Variants in KCNK13 observed in about 807,000 individuals in gnomAD.
KCNK13 encodes potassium channel subfamily K member 13.
Under a neutral mutation model 23.4 loss-of-function variants are expected in KCNK13, and 12 were observed. That is an observed-to-expected ratio of 0.51 (90% CI 0.33 to 0.83). The LOEUF is 0.83. Among genes scored for constraint, KCNK13 ranks in the 40% least tolerant of loss-of-function variants. KCNK13 has a pLI of 0.02. For synonymous variants in KCNK13, 231 were observed against 229.5 expected (o/e 1.01, Z -0.06); for missense variants, 463 against 556.3 (o/e 0.83, Z 1.69).
intron 1 of KCNK13, among the ~76,000 whole-genome samples, chr14:90,065,540 C>A (rs1050443707): frequency 6.6e-6 from 1 of 152,066 alleles, no homozygotes; most frequent in African/African-American, 2.4e-5. Flanking sequence ...AAGGCAGGTG[C>A]CACAGTGGGC....
rs2401867 is a variant in KCNK13 at position 90,098,380 on chromosome 14, T to G, written c.334+35841T>G. Among the ~76,000 whole-genome samples, 572 of 152,324 alleles carry G rather than the reference T, an allele frequency of 3.8e-3. 4 individuals carry two copies. Among genetic ancestry groups the G allele is most frequent in the African/African-American group, 0.013 (544 of 41,564 alleles). The stretch of plus-strand genomic sequence containing the variant: ...AAGTGCTATAATTTATATAACAATA[T>G]TAAGCACATGACCACCTAGGCTGAA... On this transcript the variant is annotated intron_variant, in intron 1 of 1. Coordinates refer to ENST00000282146, the MANE Select transcript of KCNK13 (RefSeq NM_022054.4).
At chr14:90,168,542 G>C (rs1368125455) in intron 1 of KCNK13, among the ~76,000 whole-genome samples, 1 of 152,094 alleles carries the variant, frequency 6.6e-6, no homozygotes, top group East Asian at 1.9e-4. Flanking sequence ...CATGACTCTA[G>C]CTCGTAGGTA....
Position 90,092,165 on chromosome 14 carries a change from G to T in KCNK13, c.334+29626G>T, listed in dbSNP as rs552691179. On this transcript the variant is annotated intron_variant, in intron 1 of 1. Coordinates refer to ENST00000282146, the MANE Select transcript of KCNK13 (RefSeq NM_022054.4). ...TCTCCATCTCCTGACCTCGTGATCT[G>T]CCCGCCTTGGCCTCCCAAATTGCTG... 2.6e-5 allele frequency among the ~76,000 whole-genome samples: 4 copies of T among 152,240 alleles called. No homozygotes were observed. The East Asian group carries it at 5.8e-4, about 22-fold the overall frequency.
chr14:90,122,358 C>G (rs1014696594), intron 1 of KCNK13, among the ~76,000 whole-genome samples: 59 of 151,400 alleles, frequency 3.9e-4, no homozygotes, highest in African/African-American at 1.4e-3. Flanking sequence ...TACTCTGTCA[C>G]CCAGGCTGGA....
intron 1 of KCNK13, among the ~76,000 whole-genome samples, chr14:90,119,843 G>A (rs557851989): frequency 2.2e-4 from 33 of 152,212 alleles, no homozygotes; most frequent in African/African-American, 6.5e-4. Flanking sequence ...CAAGTGATCC[G>A]CCCACCTTGG....
chr14:90,128,878 T>C (rs1889834362), intron 1 of KCNK13, among the ~76,000 whole-genome samples: 1 of 152,140 alleles, frequency 6.6e-6, no homozygotes, highest in Non-Finnish European at 1.5e-5. Flanking sequence ...GCTAATAAAA[T>C]GGACACCTTG....
intron 1 of KCNK13, among the ~76,000 whole-genome samples, chr14:90,147,364 C>CA (rs1264812484): frequency 6.6e-6 from 1 of 152,178 alleles, no homozygotes; most frequent in Non-Finnish European, 1.5e-5. Flanking sequence ...GCGATCCCCC[C>CA]TCAGCCTCCT....
chr14:90,132,257 A>G (rs1185232361), intron 1 of KCNK13, among the ~76,000 whole-genome samples: 3 of 152,210 alleles, frequency 2.0e-5, no homozygotes, highest in Middle Eastern at 3.2e-3. Context: ...AGAAAGTAGA[A>G]TGGAGGCTGG....
At chr14:90,180,610 C>T (rs1222580219) in intron 1 of KCNK13, among the ~76,000 whole-genome samples, 2 of 152,138 alleles carry the variant, frequency 1.3e-5, no homozygotes, top group East Asian at 1.9e-4. Context: ...CATGATTATC[C>T]CTCCTTTAAC....
At chr14:90,154,461 C>T (rs568527329) in intron 1 of KCNK13, among the ~76,000 whole-genome samples, 7 of 152,272 alleles carry the variant, frequency 4.6e-5, no homozygotes, top group African/African-American at 1.4e-4. Context: ...ACCCACAATG[C>T]CTGCTCTACT....
At chr14:90,075,101 C>T (rs988157698) in intron 1 of KCNK13, among the ~76,000 whole-genome samples, 1 of 150,830 alleles carries the variant, frequency 6.6e-6, no homozygotes, top group African/African-American at 2.4e-5. Context: ...TTGGTATTAT[C>T]CTCCTTCATC....
intron 1 of KCNK13, among the ~76,000 whole-genome samples, chr14:90,156,428 T>C (rs1890195851): frequency 6.6e-6 from 1 of 152,048 alleles, no homozygotes; most frequent in African/African-American, 2.4e-5. Context: ...GAGACTTGTG[T>C]CTTGGAAACC....
In KCNK13 at chr14:90,062,230, G is replaced by T. The variant is rs1184619039; in HGVS notation, c.25G>T (p.Gly9Cys). 2 of 1,504,832 alleles carry T rather than the reference G, an allele frequency of 1.3e-6. No individual in the cohort carries two copies. Among genetic ancestry groups the T allele is most frequent in the Non-Finnish European group, 1.8e-6 (2 of 1,134,202 alleles). 93.2% of individuals were successfully genotyped at this position (1,504,832 alleles called of 1,614,324 possible). A position where few individuals can be genotyped will look rare whatever the true frequency, so the allele number is the denominator to read the frequency against. MAGRGFSW[G>C]PGHLNEDNAR... The stretch of plus-strand genomic sequence containing the variant: ...CATGGCTGGCCGGGGTTTCAGCTGG[G>T]GCCCGGGCCACCTGAACGAGGACAA... Residue 9 changes from glycine to cysteine, a missense_variant, in exon 1 of 2, where the codon GGC becomes TGC. Gly to Cys is a radical substitution (Grantham distance 159, BLOSUM62 -3). Transcript: ENST00000282146. The surrounding 1 kb of genome is among the most constrained non-coding windows in gnomAD (Gnocchi z 4.5).
chr14:90,078,640 T>C (rs183994874), intron 1 of KCNK13, among the ~76,000 whole-genome samples: 74 of 151,780 alleles, frequency 4.9e-4, no homozygotes, highest in Admixed American at 2.0e-3. Flanking sequence ...CAGGCAGGCA[T>C]GCTTTGAATA....
intron 1 of KCNK13, among the ~76,000 whole-genome samples, chr14:90,119,337 C>G (rs1409172397): frequency 6.6e-6 from 1 of 151,840 alleles, no homozygotes; most frequent in Non-Finnish European, 1.5e-5. Context: ...AGAGATGCAA[C>G]AAAAAAAGAA....
Position 90,062,204 on chromosome 14 carries a change from C to T in KCNK13, c.-2C>T. 1.4e-6 allele frequency: 2 copies of T among 1,381,160 alleles called. No individual in the cohort carries two copies. The highest frequency in any genetic ancestry group is 2.9e-5 in the Admixed American group (1 of 35,054). 85.6% of individuals were successfully genotyped at this position (1,381,160 alleles called of 1,614,324 possible). A position where few individuals can be genotyped will look rare whatever the true frequency, so the allele number is the denominator to read the frequency against. On this transcript the variant is annotated 5_prime_UTR_variant, in exon 1 of 2. Coordinates refer to ENST00000282146, the MANE Select transcript of KCNK13 (RefSeq NM_022054.4). The surrounding 1 kb of genome is among the most constrained non-coding windows in gnomAD (Gnocchi z 4.5). ...CTGGGGGCTGCCCCCGGGGGCCCGG[C>T]CATGGCTGGCCGGGGTTTCAGCTGG... is the stretch of plus-strand genomic sequence containing the variant.
intron 1 of KCNK13, among the ~76,000 whole-genome samples, chr14:90,168,887 A>G (rs1001449216): frequency 6.6e-6 from 1 of 152,142 alleles, no homozygotes; most frequent in African/African-American, 2.4e-5. Flanking sequence ...TTTCCCCCAT[A>G]CTGTTCTCAC....
chr14:90,080,487 G>A (rs1188142215), intron 1 of KCNK13, among the ~76,000 whole-genome samples: 1 of 151,616 alleles, frequency 6.6e-6, no homozygotes, highest in African/African-American at 2.4e-5. Flanking sequence ...TAAAAAATTG[G>A]AAAAAAAGAA....
rs59588971 is a variant in KCNK13, at chr14:90,157,756, C to T, written c.335-26355C>T. On this transcript the variant is annotated intron_variant, in intron 1 of 1. Coordinates refer to ENST00000282146, the MANE Select transcript of KCNK13 (RefSeq NM_022054.4). ...TTGCTCTGTCACCCAGGCTGGAGTG[C>T]GATGGCCTGATCTCGGCTCACTGCA... Among the ~76,000 whole-genome samples the T allele has an allele frequency of 5.6e-3, 729 of 130,614 alleles. 6 individuals carry two copies. Among genetic ancestry groups the T allele is most frequent in the African/African-American group, 0.02 (692 of 34,556 alleles). The allele number at this position is 130,614 out of a possible 152,430, so 85.7% of individuals were successfully genotyped here. A position where few individuals can be genotyped will look rare whatever the true frequency, so the allele number is the denominator to read the frequency against.
Sources: allele counts gnomAD v4.1 joint callset (sites outside exome capture counted in the v4.1 genomes callset), GRCh38; gene constraint gnomAD v4.1.1; non-coding constraint Gnocchi (gnomAD v3.1); transcripts MANE v1.5; gene names NCBI Gene and HGNC (gene_info 2026-07-23, HGNC 2026-07-21).